MIER1: variants seen among roughly 807,000 people sequenced by gnomAD.
MIER1 encodes the protein MIER1 transcriptional regulator.
A neutral mutation model predicts 75.7 loss-of-function variants in MIER1; 40 were observed. The observed-to-expected ratio is 0.53, with a 90% CI of 0.41 to 0.69. The LOEUF is 0.69. MIER1 is among the 30% of genes least tolerant of loss of function. The pLI is 0.00. For missense variants in MIER1, 574 were observed against 680.2 expected, an observed-to-expected ratio of 0.84 and a Z score of 1.74; for synonymous variants, 213 against 223.4, an observed-to-expected ratio of 0.95 and a Z score of 0.42.
chr1:66,966,146 A>C (rs1405895960), intron 8 of MIER1, among the ~76,000 whole-genome samples: 1 of 151,974 alleles, frequency 6.6e-6, no homozygotes, highest in African/African-American at 2.4e-5. Flanking sequence ...TTAACTTGTC[A>C]TGTACATTAG....
intron 4 of MIER1, among the ~76,000 whole-genome samples, chr1:66,953,580 T>C (rs1366403751): frequency 6.6e-6 from 1 of 151,702 alleles, no homozygotes; most frequent in Non-Finnish European, 1.5e-5. Context: ...TACTAGTAAG[T>C]AAGCATTTTC....
chr1:66,925,631 C>A, intron 1 of MIER1: 1 of 830,688 alleles, frequency 1.2e-6, no homozygotes, highest in Non-Finnish European at 1.5e-6. Context: ...CGAGGTCCTC[C>A]TAGCGCGTGG....
chr1:66,971,379 G>A (rs1390682152), intron 9 of MIER1, among the ~76,000 whole-genome samples: 2 of 151,896 alleles, frequency 1.3e-5, no homozygotes, highest in Non-Finnish European at 2.9e-5. Context: ...ACAAAGAAGG[G>A]ATTTTCATTG....
chr1:66,930,644 G>A (rs890975696), intron 2 of MIER1, among the ~76,000 whole-genome samples: 4 of 151,954 alleles, frequency 2.6e-5, no homozygotes, highest in Non-Finnish European at 4.4e-5. Context: ...GTAGTGCAGC[G>A]TAGTAGTGCG....
Position 66,986,356 on chromosome 1 carries a change from A to G in MIER1, c.*1456A>G. 6.3e-7 allele frequency: 1 copy of G among 1,592,074 alleles called. No individual in the cohort carries two copies. The highest frequency in any genetic ancestry group is 8.5e-7 in the Non-Finnish European group (1 of 1,171,336). ...TTATATAGCTGATAGACCAACCTATATCCAAACTTTTATAAAATATTAATT... is the reference window on the plus strand; with the variant it reads ...TTATATAGCTGATAGACCAACCTATGTCCAAACTTTTATAAAATATTAATT... On this transcript the variant is annotated 3_prime_UTR_variant, in exon 14 of 14. Coordinates refer to ENST00000401041, the MANE Select transcript of MIER1 (RefSeq NM_001077700.3).
At position 66,943,727 on chromosome 1, in the gene MIER1, A is replaced by G. The variant is rs116695590; in HGVS notation, c.194-2423A>G. Among the ~76,000 whole-genome samples, 771 of 152,192 alleles carry G rather than the reference A, an allele frequency of 5.1e-3. 14 individuals are homozygous for G. The highest frequency in any genetic ancestry group is 3.7e-3 in the Non-Finnish European group (250 of 67,996). On this transcript the variant is annotated intron_variant, in intron 3 of 13. Coordinates refer to ENST00000401041, the MANE Select transcript of MIER1 (RefSeq NM_001077700.3). ...GAGCCACTGCGCCTGGCCTAATACC[A>G]ATATTTTCTGGTGCTTCTGAAAGGG...
intron 8 of MIER1, among the ~76,000 whole-genome samples, chr1:66,969,279 C>T (rs1182405396): frequency 1.3e-5 from 2 of 151,922 alleles, no homozygotes; most frequent in Non-Finnish European, 2.9e-5. Context: ...GGCGCGGTGG[C>T]TCACACCTGT....
At chr1:66,945,283 A>G (rs1192738793) in intron 3 of MIER1, among the ~76,000 whole-genome samples, 19 of 5,312 alleles carry the variant, frequency 3.6e-3, no homozygotes, top group Admixed American at 0.034. Flanking sequence ...ATATATATAT[A>G]TATATATATA....
chr1:66,941,711 C>G (rs1405776300), intron 3 of MIER1, among the ~76,000 whole-genome samples: 1 of 152,148 alleles, frequency 6.6e-6, no homozygotes, highest in Non-Finnish European at 1.5e-5. Context: ...TGGCTCATGC[C>G]TGTAATCCCA....
chr1:66,947,422 A>AT (rs1657919196), intron 4 of MIER1: 1 of 152,136 alleles, frequency 6.6e-6, no homozygotes, highest in African/African-American at 2.4e-5. Flanking sequence ...CTATCAGTAA[A>AT]AAGTGGTACT....
At chr1:66,982,445 A>G (rs1666088185) in intron 13 of MIER1, among the ~76,000 whole-genome samples, 1 of 152,244 alleles carries the variant, frequency 6.6e-6, no homozygotes, top group African/African-American at 2.4e-5. Context: ...AAAAGAGAAG[A>G]AAAAGGCATA....
intron 11 of MIER1, among the ~76,000 whole-genome samples, chr1:66,974,352 C>T (rs773956998): frequency 1.3e-4 from 20 of 151,292 alleles, no homozygotes; most frequent in Admixed American, 5.9e-4. Context: ...TGTGACTGGC[C>T]GTGTATGTTT....
intron 12 of MIER1, among the ~76,000 whole-genome samples, chr1:66,976,968 G>A (rs1235637416): frequency 1.3e-5 from 2 of 152,086 alleles, no homozygotes; most frequent in African/African-American, 4.8e-5. Flanking sequence ...TTCATATTAT[G>A]TATGAGACAA....
intron 11 of MIER1, among the ~76,000 whole-genome samples, 196 bp downstream of exon 11, chr1:66,973,187 A>G (rs548090774): frequency 6.6e-6 from 1 of 152,170 alleles, no homozygotes; most frequent in South Asian, 2.1e-4. Context: ...GACTGTTTTC[A>G]GTGCATCATA....
rs1666892202 is a variant in MIER1 at position 66,987,187 on chromosome 1, T to C, written c.*2287T>C. On this transcript the variant is annotated 3_prime_UTR_variant, in exon 14 of 14. Transcript: ENST00000401041. ...TTTTGTAAAGAAATATTTAATTGTA[T>C]TTTGTGTTTATACAGGTATTTCACA... 1 of 152,774 alleles carries C rather than the reference T, an allele frequency of 6.5e-6. No homozygotes were observed. The highest frequency in any genetic ancestry group is 2.1e-4 in the South Asian group (1 of 4,836). The allele number at this position is 152,774 out of a possible 1,614,324, so 9.5% of individuals were successfully genotyped here.
At chr1:66,964,812 A>G (rs980719396) in intron 8 of MIER1, among the ~76,000 whole-genome samples, 1 of 152,096 alleles carries the variant, frequency 6.6e-6, no homozygotes, top group African/African-American at 2.4e-5. Context: ...AGAAATCTTT[A>G]TTTCTTTTAT....
chr1:66,979,368 C>T (rs1665441215), intron 12 of MIER1, among the ~76,000 whole-genome samples: 1 of 152,132 alleles, frequency 6.6e-6, no homozygotes, highest in African/African-American at 2.4e-5. Context: ...ATCCATAATT[C>T]AGAGCACATT....
In MIER1 at chr1:66,986,366, T is replaced by A; in HGVS notation, c.*1466T>A. ...GATAGACCAACCTATATCCAAACTT[T>A]TATAAAATATTAATTATTCTTGTTT... is the stretch of plus-strand genomic sequence containing the variant. On this transcript the variant is annotated 3_prime_UTR_variant, in exon 14 of 14. Coordinates refer to ENST00000401041, the MANE Select transcript of MIER1 (RefSeq NM_001077700.3). The A allele has an allele frequency of 6.3e-7, 1 of 1,598,816 alleles. No homozygotes were observed. Among genetic ancestry groups the A allele is most frequent in the Non-Finnish European group, 8.5e-7 (1 of 1,174,170 alleles).
Position 66,987,288 on chromosome 1 carries a change from G to T in MIER1, c.*2388G>T, listed in dbSNP as rs994205777. On this transcript the variant is annotated 3_prime_UTR_variant, in exon 14 of 14. Coordinates refer to ENST00000401041, the MANE Select transcript of MIER1 (RefSeq NM_001077700.3). ...ATTTAAAAAGTTTTAGTAATATCATGAATTTAATTTGCTTAAGATTTAGTA... is the reference window on the plus strand; with the variant it reads ...ATTTAAAAAGTTTTAGTAATATCATTAATTTAATTTGCTTAAGATTTAGTA... 6.6e-6 allele frequency: 1 copy of T among 152,662 alleles called. No individual in the cohort carries two copies. Among genetic ancestry groups the T allele is most frequent in the Admixed American group, 6.6e-5 (1 of 15,266 alleles). The allele number at this position is 152,662 out of a possible 1,614,324, so 9.5% of individuals were successfully genotyped here. A position where few individuals can be genotyped will look rare whatever the true frequency, so the allele number is the denominator to read the frequency against.
Sources: gnomAD v4.1 joint callset for allele counts (sites outside exome capture counted in the v4.1 genomes callset) on GRCh38, gnomAD v4.1.1 for gene constraint, MANE v1.5 for transcripts, NCBI Gene and HGNC (gene_info 2026-07-23, HGNC 2026-07-21) for gene names.